TSPEAR: variants seen among roughly 807,000 people sequenced by gnomAD.
TSPEAR encodes the protein thrombospondin-type laminin G domain and EAR repeat-containing protein.
Under a neutral mutation model 71.6 loss-of-function variants are expected in TSPEAR, and 69 were observed. That is an observed-to-expected ratio of 0.96 (90% CI 0.79 to 1.18). The LOEUF is 1.18. Among genes scored for constraint, TSPEAR ranks in the 50% most tolerant of loss-of-function variants. The pLI is 0.00. For synonymous variants in TSPEAR, 402 were observed against 387.2 expected (o/e 1.04, Z -0.45); for missense variants, 971 against 894.9 (o/e 1.09, Z -1.09).
rs1180695973 is a variant in TSPEAR, at chr21:44,600,674, G to A, written c.83-32669C>T. 10 of 1,613,626 alleles carry A rather than the reference G, an allele frequency of 6.2e-6. No individual in the cohort carries two copies. Among genetic ancestry groups the A allele is most frequent in the African/African-American group, 1.3e-5 (1 of 74,752 alleles). On this transcript the variant is annotated intron_variant, in intron 1 of 11. Transcript: ENST00000323084. ...TCCAGCGACCTGAGCTACGGCAGCC[G>A]CGTCTGCCTTCCTGGTTCCTGTGAC...
At chr21:44,526,780 A>G (rs1295291344) in intron 7 of TSPEAR, among the ~76,000 whole-genome samples, 1 of 152,190 alleles carries the variant, frequency 6.6e-6, no homozygotes, top group Non-Finnish European at 1.5e-5. Context: ...GATGTCAACC[A>G]TCTCCCAGAC....
intron 11 of TSPEAR, among the ~76,000 whole-genome samples, chr21:44,503,821 A>G: frequency 1.5e-5 from 2 of 130,258 alleles, no homozygotes; most frequent in Non-Finnish European, 3.2e-5. Flanking sequence ...GGGGGAAGCA[A>G]GGCGCTGGGA....
At chr21:44,624,214 T>G (rs1982628001) in intron 1 of TSPEAR, among the ~76,000 whole-genome samples, 1 of 152,268 alleles carries the variant, frequency 6.6e-6, no homozygotes, top group African/African-American at 2.4e-5. Context: ...GTTCTTAATT[T>G]CAGCTATTAT....
intron 1 of TSPEAR, chr21:44,677,824 C>T (rs587610398): frequency 1.5e-6 from 2 of 1,296,382 alleles, no homozygotes; most frequent in Middle Eastern, 1.9e-4. Context: ...CCAAGAACCA[C>T]CTCGAAGAGT....
rs2053146292 is a variant in TSPEAR, at chr21:44,538,949, T to C, written c.304-5026A>G. 9.1e-6 allele frequency: 4 copies of C among 438,226 alleles called. No individual in the cohort carries two copies. In the South Asian group the frequency reaches 1.4e-4, roughly 15 times the overall value. 27.1% of individuals were successfully genotyped at this position (438,226 alleles called of 1,614,324 possible). ...GGAGACCAATGTCAGCTCAAAACCA[T>C]GTGTCCCCCAGGAACACAACAGAAA... On this transcript the variant is annotated intron_variant, in intron 2 of 11. Transcript: ENST00000323084.
intron 2 of TSPEAR, among the ~76,000 whole-genome samples, chr21:44,543,679 G>T (rs879967232): frequency 2.0e-4 from 30 of 152,220 alleles, no homozygotes; most frequent in Non-Finnish European, 3.1e-4. Flanking sequence ...TATGACAACA[G>T]AGGCAAAGAT....
rs782256862 is a variant in TSPEAR at position 44,635,962 on chromosome 21, G to A, written c.83-67957C>T. 7.2e-5 allele frequency among the ~76,000 whole-genome samples: 11 copies of A among 152,268 alleles called. 1 individual carries two copies. Among genetic ancestry groups the A allele is most frequent in the African/African-American group, 2.6e-4 (11 of 41,538 alleles). On this transcript the variant is annotated intron_variant, in intron 1 of 11. Transcript: ENST00000323084. Reference sequence around the variant, plus strand: ...AACCTGAGAAACTTTAGTTATTAATGAGATCAACTAGCTGTTCATCTCATT... The same window carrying A: ...AACCTGAGAAACTTTAGTTATTAATAAGATCAACTAGCTGTTCATCTCATT...
rs199525389 is a variant in TSPEAR at position 44,710,072 on chromosome 21, G to GC, written c.82+1360dup. 0.016 allele frequency among the ~76,000 whole-genome samples: 2,431 copies of GC among 152,100 alleles called. 60 individuals are homozygous for GC. Among genetic ancestry groups the GC allele is most frequent in the Non-Finnish European group, 0.018 (1,250 of 67,978 alleles). On this transcript the variant is annotated intron_variant, in intron 1 of 11. Coordinates refer to ENST00000323084, the MANE Select transcript of TSPEAR (RefSeq NM_144991.3). The surrounding 1 kb of genome is among the most constrained non-coding windows in gnomAD (Gnocchi z 4.6). ...ATGAAAATACATGTCTGTGACTCAT[G>GC]CCCCCCCACCCCCACTCCAGGGTGT... is the stretch of plus-strand genomic sequence containing the variant.
At chr21:44,500,008 C>T (rs1555910949) in intron 11 of TSPEAR, 72 bp from the exon 12 acceptor site, 21 of 1,480,366 alleles carry the variant, frequency 1.4e-5, no homozygotes, top group Admixed American at 7.4e-5. Flanking sequence ...GGCTCCCACC[C>T]GCGCTGTCAG....
At chr21:44,563,537 G>A (rs1361384332) in intron 2 of TSPEAR, among the ~76,000 whole-genome samples, 1 of 151,978 alleles carries the variant, frequency 6.6e-6, no homozygotes, top group East Asian at 1.9e-4. Flanking sequence ...TAGGAAATAT[G>A]CACTTAATAT....
At chr21:44,653,423 C>T (rs1321001116) in intron 1 of TSPEAR, among the ~76,000 whole-genome samples, 1 of 152,168 alleles carries the variant, frequency 6.6e-6, no homozygotes, top group Non-Finnish European at 1.5e-5. Flanking sequence ...TGAGCTGAAA[C>T]ACGGAGCCGG....
chr21:44,529,068 AG>A (rs1569166656), intron 5 of TSPEAR, among the ~76,000 whole-genome samples: 1 of 152,194 alleles, frequency 6.6e-6, no homozygotes, highest in Non-Finnish European at 1.5e-5. Flanking sequence ...TGCACCTGCC[AG>A]CCGGTGCTGG....
intron 8 of TSPEAR, 36 bp downstream of exon 8, chr21:44,525,617 G>A (rs1217388319): frequency 1.2e-6 from 2 of 1,604,178 alleles, no homozygotes; most frequent in Non-Finnish European, 8.5e-7. Flanking sequence ...CCCCTGGAAT[G>A]GTTGCCTCCC....
intron 1 of TSPEAR, among the ~76,000 whole-genome samples, chr21:44,651,112 C>T (rs1233966117): frequency 1.3e-5 from 2 of 152,124 alleles, no homozygotes; most frequent in Non-Finnish European, 2.9e-5. Flanking sequence ...CTCTTCCAGG[C>T]TGGGGGAGCC....
chr21:44,620,196 A>G (rs587679795), intron 1 of TSPEAR, among the ~76,000 whole-genome samples: 1 of 152,386 alleles, frequency 6.6e-6, no homozygotes, highest in East Asian at 1.9e-4. Flanking sequence ...GGAGCACCCA[A>G]CAACCAAAAA....
intron 2 of TSPEAR, among the ~76,000 whole-genome samples, chr21:44,560,549 TGG>T (rs1555920849): frequency 6.6e-6 from 1 of 152,198 alleles, no homozygotes; most frequent in African/African-American, 2.4e-5. Context: ...CAGTGTCACA[TGG>T]CACTTATTCT....
At position 44,710,730 on chromosome 21, in the gene TSPEAR, G is replaced by A. The variant is rs1988177911; in HGVS notation, c.82+703C>T. ...TTGTCGTGTTACTTTATTAAATTTT[G>A]GTTTGATAAGTAAAATCCCTCAGTA... On this transcript the variant is annotated intron_variant, in intron 1 of 11. Coordinates refer to ENST00000323084, the MANE Select transcript of TSPEAR (RefSeq NM_144991.3). The surrounding 1 kb of genome is among the most constrained non-coding windows in gnomAD (Gnocchi z 4.6). Among the ~76,000 whole-genome samples, 1 of 152,192 alleles carries A rather than the reference G, an allele frequency of 6.6e-6. No individual in the cohort carries two copies. Among genetic ancestry groups the A allele is most frequent in the Non-Finnish European group, 1.5e-5 (1 of 68,026 alleles).
chr21:44,687,472 G>A lies in TSPEAR; in HGVS notation c.82+23961C>T, dbSNP rs533910705. Among the ~76,000 whole-genome samples, 27 of 152,328 alleles carry A rather than the reference G, an allele frequency of 1.8e-4. No homozygotes were observed. The South Asian group carries it at 4.8e-3, about 27-fold the overall frequency. On this transcript the variant is annotated intron_variant, in intron 1 of 11. Transcript: ENST00000323084. This position sits in a 1 kb window ranked among gnomAD's most constrained non-coding sequence, Gnocchi z 4.4. ...CAGCACTGAGGGCGGCATTGCTTAC[G>A]CACACGGCAACAGGAACGCATCGCA...
At position 44,711,500 on chromosome 21, in the gene TSPEAR, C is replaced by T. The variant is rs1313157713; in HGVS notation, c.15G>A (p.Leu5=). The change falls in exon 1 of 12, where the codon CTG becomes CTA. Residue 5 remains leucine (L), a synonymous_variant. Coordinates refer to ENST00000323084, the MANE Select transcript of TSPEAR (RefSeq NM_144991.3). This position sits in a 1 kb window ranked among gnomAD's most constrained non-coding sequence, Gnocchi z 4.5. MSAL[L]SLCFVLPLAA... is the part of the protein sequence containing the mutation. ...CCAGGGGCAGCACAAAACACAGACT[C>T]AGCAGGGCAGACATGAGGGGCTTGG... is the stretch of plus-strand genomic sequence containing the variant. The T allele has an allele frequency of 6.2e-7, 1 of 1,611,830 alleles. No individual in the cohort carries two copies. The highest frequency in any genetic ancestry group is 1.1e-5 in the South Asian group (1 of 90,802).
Sources: gnomAD v4.1 joint callset for allele counts (sites outside exome capture counted in the v4.1 genomes callset) on GRCh38, gnomAD v4.1.1 for gene constraint, Gnocchi (gnomAD v3.1) non-coding constraint, MANE v1.5 for transcripts, NCBI Gene and HGNC (gene_info 2026-07-23, HGNC 2026-07-21) for gene names.